TMED3: variants seen among roughly 807,000 people sequenced by gnomAD.
The protein encoded by TMED3 is transmembrane emp24 domain-containing protein 3.
TMED3 carries 9 observed loss-of-function variants against 15.0 expected under a neutral mutation model. That is an observed-to-expected ratio of 0.60 (90% CI 0.36 to 1.04). TMED3 has a LOEUF of 1.04. Ranked by LOEUF, TMED3 falls within the 50% of genes least tolerant of loss-of-function variation. The pLI, the probability that TMED3 is intolerant of heterozygous loss-of-function variation, is 0.01. For synonymous variants in TMED3, 117 were observed against 121.4 expected, an observed-to-expected ratio of 0.96 and a Z score of 0.24; for missense variants, 267 against 278.9, an observed-to-expected ratio of 0.96 and a Z score of 0.30.
At chr15:79,315,530 A>G (rs1336105707) in intron 2 of TMED3, among the ~76,000 whole-genome samples, 1 of 152,216 alleles carries the variant, frequency 6.6e-6, no homozygotes, top group Non-Finnish European at 1.5e-5. Flanking sequence ...CCAAAAGCTG[A>G]GCTGAAGAAC....
chr15:79,353,047 T>C (rs1467533213), intron 2 of TMED3, among the ~76,000 whole-genome samples: 1 of 94,718 alleles, frequency 1.1e-5, no homozygotes, highest in Non-Finnish European at 1.9e-5. Flanking sequence ...ATATTATATA[T>C]ATAAAAAATG....
chr15:79,368,091 G>A (rs989146461), intron 2 of TMED3, among the ~76,000 whole-genome samples: 13 of 152,166 alleles, frequency 8.5e-5, no homozygotes, highest in African/African-American at 2.7e-4. Flanking sequence ...ACGTATGTTA[G>A]GATGTTGTTT....
intron 2 of TMED3, among the ~76,000 whole-genome samples, chr15:79,331,681 A>C (rs2058809807): frequency 6.6e-6 from 1 of 152,220 alleles, no homozygotes; most frequent in East Asian, 1.9e-4. Context: ...TCCAGACTGT[A>C]CAAGGAACTC....
At chr15:79,346,565 C>A (rs184759009) in intron 2 of TMED3, among the ~76,000 whole-genome samples, 4 of 152,318 alleles carry the variant, frequency 2.6e-5, no homozygotes, top group Admixed American at 2.0e-4. Context: ...GTTCATTAAA[C>A]CTCTTTTTCT....
At chr15:79,370,454 G>A (rs1893317757) in intron 2 of TMED3, among the ~76,000 whole-genome samples, 1 of 151,886 alleles carries the variant, frequency 6.6e-6, no homozygotes, top group African/African-American at 2.4e-5. Flanking sequence ...CCAGCGATGG[G>A]CTCCGGGGAA....
intron 2 of TMED3, among the ~76,000 whole-genome samples, chr15:79,386,460 C>T (rs1046646200): frequency 1.3e-5 from 2 of 152,136 alleles, no homozygotes; most frequent in Non-Finnish European, 2.9e-5. Context: ...GTATATGCTG[C>T]TGCTTCTTTG....
At chr15:79,402,917 C>A (rs7176546) in intron 2 of TMED3, among the ~76,000 whole-genome samples, 1 of 151,948 alleles carries the variant, frequency 6.6e-6, no homozygotes, top group Admixed American at 6.6e-5. Flanking sequence ...GTGAAGGAGT[C>A]TCATCAAGAC....
chr15:79,369,340 C>T (rs1659681450), intron 2 of TMED3, among the ~76,000 whole-genome samples: 1 of 152,148 alleles, frequency 6.6e-6, no homozygotes, highest in Admixed American at 6.5e-5. Flanking sequence ...CTTAGTCCTG[C>T]CCATGAAGAT....
chr15:79,394,894 A>G (rs970680283), intron 2 of TMED3, among the ~76,000 whole-genome samples: 4 of 152,202 alleles, frequency 2.6e-5, no homozygotes, highest in Non-Finnish European at 4.4e-5. Flanking sequence ...AAAGGTAAGT[A>G]CTGTCATGAA....
intron 2 of TMED3, among the ~76,000 whole-genome samples, chr15:79,400,504 G>T (rs771627369): frequency 2.6e-5 from 4 of 152,150 alleles, no homozygotes; most frequent in Non-Finnish European, 5.9e-5. Flanking sequence ...GTAAACATTT[G>T]CTGATTAAAT....
intron 2 of TMED3, among the ~76,000 whole-genome samples, chr15:79,363,478 C>A (rs1893168716): frequency 1.6e-5 from 2 of 124,234 alleles, no homozygotes; most frequent in Admixed American, 9.5e-5. Context: ...TTTAAAACTC[C>A]AAGTGACAAA....
intron 2 of TMED3, among the ~76,000 whole-genome samples, chr15:79,375,450 C>T (rs1027124369): frequency 2.6e-5 from 4 of 152,144 alleles, no homozygotes; most frequent in Non-Finnish European, 5.9e-5. Flanking sequence ...TCCATTCTCA[C>T]ATTGCTATAA....
chr15:79,371,852 C>T (rs1893345169), intron 2 of TMED3, among the ~76,000 whole-genome samples: 1 of 152,166 alleles, frequency 6.6e-6, no homozygotes, highest in Admixed American at 6.5e-5. Flanking sequence ...AAGCAACTTA[C>T]AGAAAAACAA....
chr15:79,381,174 A>G (rs1050570209), intron 2 of TMED3, among the ~76,000 whole-genome samples: 17 of 152,226 alleles, frequency 1.1e-4, no homozygotes, highest in Admixed American at 3.3e-4. Flanking sequence ...GCTCACTGGT[A>G]TAGAGTCCCA....
chr15:79,339,357 G>C (rs931968785), intron 2 of TMED3, among the ~76,000 whole-genome samples: 2 of 152,150 alleles, frequency 1.3e-5, no homozygotes, highest in African/African-American at 2.4e-5. Context: ...TAGTGGTAGT[G>C]GTCCCCCGGG....
At chr15:79,388,906 A>C (rs1344093104) in intron 2 of TMED3, among the ~76,000 whole-genome samples, 1 of 151,944 alleles carries the variant, frequency 6.6e-6, no homozygotes, top group Non-Finnish European at 1.5e-5. Flanking sequence ...AGAATTATCT[A>C]TTCATGTCCT....
In TMED3 at chr15:79,376,092, G is replaced by GTTTTTTT. The variant is rs199728545; in HGVS notation, c.418-35279_418-35273dup. Among the ~76,000 whole-genome samples the GTTTTTTT allele has an allele frequency of 7.1e-4, 79 of 112,056 alleles. 4 individuals are homozygous for GTTTTTTT. The highest frequency in any genetic ancestry group is 5.6e-3 in the Middle Eastern group (1 of 178). 73.5% of individuals were successfully genotyped at this position (112,056 alleles called of 152,430 possible). A position where few individuals can be genotyped will look rare whatever the true frequency, so the allele number is the denominator to read the frequency against. On this transcript the variant is annotated intron_variant, in intron 2 of 2. Coordinates refer to the TMED3 transcript ENST00000424155. The stretch of plus-strand genomic sequence containing the variant: ...CTTACTTCATCTATTCTAGAGAAAG[G>GTTTTTTT]TTTTTTTTTTTTTTTTTTTTTTTTT...
In TMED3 at chr15:79,362,512, G is replaced by A. The variant is rs527689146; in HGVS notation, c.417+48507G>A. ...AAAAAAGTTTAAATAAAAATTAAAA[G>A]TTAATATAAAATATTTATTTATGTA... On this transcript the variant is annotated intron_variant, in intron 2 of 2. Coordinates refer to the TMED3 transcript ENST00000424155. Among the ~76,000 whole-genome samples the A allele has an allele frequency of 2.0e-5, 3 of 152,054 alleles. No individual in the cohort carries two copies. In the East Asian group the frequency reaches 5.8e-4, roughly 29 times the overall value.
intron 2 of TMED3, among the ~76,000 whole-genome samples, chr15:79,403,769 G>T (rs1166621882): frequency 6.6e-6 from 1 of 152,162 alleles, no homozygotes; most frequent in Non-Finnish European, 1.5e-5. Flanking sequence ...TGATCCAACG[G>T]AATTTAGAGT....
Sources: allele counts gnomAD v4.1 joint callset (sites outside exome capture counted in the v4.1 genomes callset), GRCh38; gene constraint gnomAD v4.1.1; transcripts MANE v1.5; gene names NCBI Gene and HGNC (gene_info 2026-07-23, HGNC 2026-07-21).